The following SOX6 variants were observed in gnomAD, a reference collection of about 807,000 sequenced individuals.
SOX6 encodes the protein transcription factor SOX-6.
A neutral mutation model predicts 97.8 loss-of-function variants in SOX6; 11 were observed. The ratio of observed to expected loss-of-function variants is 0.11; its 90% CI spans 0.07 to 0.19. SOX6 has a LOEUF of 0.19. Among genes scored for constraint, SOX6 ranks in the 10% least tolerant of loss-of-function variants. The pLI, the probability that SOX6 is intolerant of heterozygous loss-of-function variation, is 1.00. For synonymous variants in SOX6, 360 were observed against 371.4 expected, an observed-to-expected ratio of 0.97 and a Z score of 0.35; for missense variants, 810 against 1,039.5, an observed-to-expected ratio of 0.78 and a Z score of 3.04.
intron 3 of SOX6, among the ~76,000 whole-genome samples, chr11:16,658,345 A>G (rs1188415982): frequency 6.6e-6 from 1 of 152,210 alleles, no homozygotes; most frequent in Non-Finnish European, 1.5e-5. Context: ...TTGTGTGGTC[A>G]TCTATCTTAT....
At chr11:16,389,521 A>C (rs1858094854) in intron 1 of SOX6, among the ~76,000 whole-genome samples, 1 of 151,230 alleles carries the variant, frequency 6.6e-6, no homozygotes, top group African/African-American at 2.4e-5. Context: ...TCTTTTTAAT[A>C]ATTTATCTCT....
intron 1 of SOX6, among the ~76,000 whole-genome samples, chr11:16,412,092 AAGCT>A (rs1858832129): frequency 6.6e-6 from 1 of 152,184 alleles, no homozygotes; most frequent in African/African-American, 2.4e-5. Context: ...TACACACAGA[AAGCT>A]AGATATAGAA....
chr11:16,241,634 T>C (rs1386071165), intron 3 of SOX6, among the ~76,000 whole-genome samples: 1 of 152,040 alleles, frequency 6.6e-6, no homozygotes, highest in African/African-American at 2.4e-5. Context: ...TGGTCAATCA[T>C]AGTTCTATGT....
intron 7 of SOX6, among the ~76,000 whole-genome samples, chr11:16,107,977 C>G (rs1159330993): frequency 6.6e-6 from 1 of 152,048 alleles, no homozygotes; most frequent in Non-Finnish European, 1.5e-5. Context: ...GACTTTACTC[C>G]CAATCTTAGT....
At chr11:16,145,043 A>C (rs1316342405) in intron 6 of SOX6, among the ~76,000 whole-genome samples, 1 of 152,178 alleles carries the variant, frequency 6.6e-6, no homozygotes, top group African/African-American at 2.4e-5. Flanking sequence ...CAGAGACACA[A>C]CAAAAAAAGA....
At chr11:16,690,498 C>A (rs1848005466) in intron 3 of SOX6, among the ~76,000 whole-genome samples, 1 of 152,154 alleles carries the variant, frequency 6.6e-6, no homozygotes, top group African/African-American at 2.4e-5. Context: ...GTCTCAGAAT[C>A]TAGTTTTAAT....
At chr11:16,274,362 A>C (rs910269669) in intron 3 of SOX6, among the ~76,000 whole-genome samples, 2 of 152,076 alleles carry the variant, frequency 1.3e-5, no homozygotes, top group African/African-American at 4.8e-5. Context: ...CCATTTGTCC[A>C]CCCATCCATA....
At chr11:16,299,451 G>A (rs997378546) in intron 3 of SOX6, among the ~76,000 whole-genome samples, 6 of 152,068 alleles carry the variant, frequency 3.9e-5, no homozygotes, top group Non-Finnish European at 7.4e-5. Flanking sequence ...GGGGAGGGGT[G>A]GGAATCTTTA....
At chr11:16,664,893 G>A (rs1241216630) in intron 3 of SOX6, among the ~76,000 whole-genome samples, 2 of 151,820 alleles carry the variant, frequency 1.3e-5, no homozygotes, top group African/African-American at 2.4e-5. Context: ...AGAGAGTCCT[G>A]AGGCCCCCAT....
At chr11:16,239,315 C>G (rs12420134) in intron 3 of SOX6, among the ~76,000 whole-genome samples, 18,366 of 152,018 alleles carry the variant, frequency 0.12, 1,532 homozygotes, top group South Asian at 0.19. Context: ...CTCTCTCCCC[C>G]TCTCCCTCTC....
At chr11:16,536,854 G>C (rs1018826686) in intron 4 of SOX6, among the ~76,000 whole-genome samples, 1 of 152,188 alleles carries the variant, frequency 6.6e-6, no homozygotes, top group Non-Finnish European at 1.5e-5. Flanking sequence ...GTCTCTATAG[G>C]CTCCACCACT....
chr11:16,556,608 T>C (rs1349127740), intron 4 of SOX6, among the ~76,000 whole-genome samples: 2 of 151,824 alleles, frequency 1.3e-5, no homozygotes, highest in Non-Finnish European at 3.0e-5. Flanking sequence ...TTCATTAAAA[T>C]GTTTAACATT....
chr11:16,231,843 A>T, intron 4 of SOX6, among the ~76,000 whole-genome samples: 1 of 151,942 alleles, frequency 6.6e-6, no homozygotes, highest in Non-Finnish European at 1.5e-5. Flanking sequence ...AGGAAAATTC[A>T]TAATATATCA....
At chr11:16,104,521 A>G (rs1213518616) in intron 7 of SOX6, among the ~76,000 whole-genome samples, 1 of 151,956 alleles carries the variant, frequency 6.6e-6, no homozygotes, top group Non-Finnish European at 1.5e-5. Flanking sequence ...TTTTCTTTTA[A>G]TAAAGCAGAG....
chr11:16,271,403 A>G (rs1854255155), intron 3 of SOX6, among the ~76,000 whole-genome samples: 1 of 151,320 alleles, frequency 6.6e-6, no homozygotes. Context: ...AGTTTCCTCT[A>G]TTTTCAGTGC....
chr11:16,360,968 A>C (rs1277897852), upstream of SOX6, among the ~76,000 whole-genome samples: 3 of 151,150 alleles, frequency 2.0e-5, no homozygotes, highest in Non-Finnish European at 2.9e-5. Context: ...ACACCACTGC[A>C]CTCCAGTCTG....
chr11:16,274,439 G>A (rs549303937), intron 3 of SOX6, among the ~76,000 whole-genome samples: 2 of 151,874 alleles, frequency 1.3e-5, no homozygotes, highest in South Asian at 4.2e-4. Flanking sequence ...TATTAATGAT[G>A]TTAATTTCTA....
intron 3 of SOX6, among the ~76,000 whole-genome samples, chr11:16,251,780 C>T (rs1040278310): frequency 6.6e-6 from 1 of 152,024 alleles, no homozygotes; most frequent in African/African-American, 2.4e-5. Context: ...GAATCTCCGT[C>T]ATAATCATAG....
chr11:16,394,848 C>G lies in SOX6; in HGVS notation c.-4-53596G>C, dbSNP rs183893997. Reference sequence around the variant, plus strand: ...TCCATGAGTTTATAATTTGAAAGTTCAGTTCCTGTGTCCAGGAATACAGAT... The same window carrying G: ...TCCATGAGTTTATAATTTGAAAGTTGAGTTCCTGTGTCCAGGAATACAGAT... On this transcript the variant is annotated intron_variant, in intron 1 of 15. Coordinates refer to the SOX6 transcript ENST00000396356. 3.6e-4 allele frequency among the ~76,000 whole-genome samples: 55 copies of G among 151,872 alleles called. No individual in the cohort carries two copies. The East Asian group carries it at 8.7e-3, about 24-fold the overall frequency.
Sources: allele counts gnomAD v4.1 joint callset (sites outside exome capture counted in the v4.1 genomes callset), GRCh38; gene constraint gnomAD v4.1.1; transcripts MANE v1.5; gene names NCBI Gene and HGNC (gene_info 2026-07-23, HGNC 2026-07-21).